The following GABRG3 variants were observed in gnomAD, a reference collection of about 807,000 sequenced individuals.
The protein encoded by GABRG3 is gamma-aminobutyric acid receptor subunit gamma-3.
A neutral mutation model predicts 48.8 loss-of-function variants in GABRG3; 25 were observed. The ratio of observed to expected loss-of-function variants is 0.51; its 90% CI spans 0.37 to 0.72. The LOEUF (loss-of-function observed/expected upper bound fraction) is 0.72. GABRG3 is among the 30% of genes least tolerant of loss of function. The pLI, the probability that GABRG3 is intolerant of heterozygous loss-of-function variation, is 0.00. For missense variants in GABRG3, 394 were observed against 577.9 expected (o/e 0.68, Z 3.26); for synonymous variants, 227 against 217.6 (o/e 1.04, Z -0.38).
chr15:27,455,428 T>C (rs1054492519), intron 5 of GABRG3, among the ~76,000 whole-genome samples: 5 of 151,584 alleles, frequency 3.3e-5, no homozygotes, highest in Admixed American at 6.6e-5. Context: ...CATTTGTGTA[T>C]ATGTGCATGG....
intron 3 of GABRG3, among the ~76,000 whole-genome samples, chr15:27,178,875 A>G (rs1887831048): frequency 6.6e-6 from 1 of 152,274 alleles, no homozygotes; most frequent in Non-Finnish European, 1.5e-5. Context: ...TAATGTCTTT[A>G]TGGGCCAGGT....
intron 5 of GABRG3, among the ~76,000 whole-genome samples, chr15:27,414,368 G>A (rs1334585696): frequency 6.6e-6 from 1 of 151,996 alleles, no homozygotes; most frequent in Non-Finnish European, 1.5e-5. Flanking sequence ...TTATTCTAGT[G>A]AGCCGTGGCT....
In GABRG3 at chr15:27,447,129, T is replaced by C. The variant is rs1179029724; in HGVS notation, c.575-33521T>C. Among the ~76,000 whole-genome samples the C allele has an allele frequency of 6.6e-6, 1 of 152,152 alleles. No individual in the cohort carries two copies. Among genetic ancestry groups the C allele is most frequent in the Non-Finnish European group, 1.5e-5 (1 of 68,032 alleles). On this transcript the variant is annotated intron_variant, in intron 5 of 9. Transcript: ENST00000615808. The surrounding 1 kb of genome is among the most constrained non-coding windows in gnomAD (Gnocchi z 4.0). ...AGCAATCCCAATGTTCATAAAATGTTCCAGCAGCACAGAGGACGGAACAAC... is the reference window on the plus strand; with the variant it reads ...AGCAATCCCAATGTTCATAAAATGTCCCAGCAGCACAGAGGACGGAACAAC...
intron 6 of GABRG3, among the ~76,000 whole-genome samples, chr15:27,517,087 C>G (rs1261536726): frequency 6.6e-6 from 1 of 151,334 alleles, no homozygotes; most frequent in African/African-American, 2.4e-5. Flanking sequence ...GTGCCCACCT[C>G]CATGCATGCG....
At chr15:27,306,883 CATACA>C (rs1391377020) in intron 3 of GABRG3, among the ~76,000 whole-genome samples, 25 of 85,856 alleles carry the variant, frequency 2.9e-4, no homozygotes, top group African/African-American at 1.5e-3. Flanking sequence ...TATATATAAA[CATACA>C]ATATAAACAT....
At chr15:27,201,623 A>G (rs957299523) in intron 3 of GABRG3, among the ~76,000 whole-genome samples, 1 of 152,112 alleles carries the variant, frequency 6.6e-6, no homozygotes, top group African/African-American at 2.4e-5. Flanking sequence ...GCTATTACAC[A>G]GCATCCCTAT....
At chr15:27,133,909 AC>A (rs1479486348) in intron 3 of GABRG3, among the ~76,000 whole-genome samples, 2 of 152,224 alleles carry the variant, frequency 1.3e-5, no homozygotes, top group Non-Finnish European at 2.9e-5. Context: ...AACAGTTCTC[AC>A]AGAGGATTAA....
intron 3 of GABRG3, among the ~76,000 whole-genome samples, chr15:27,233,833 C>T (rs1172312637): frequency 1.3e-5 from 2 of 152,186 alleles, no homozygotes; most frequent in Non-Finnish European, 2.9e-5. Context: ...CATCCTCATT[C>T]AGGTTTTGTA....
intron 2 of GABRG3, 126 bp downstream of exon 2, chr15:26,977,276 C>A: frequency 1.0e-6 from 1 of 958,046 alleles, no homozygotes; most frequent in Non-Finnish European, 1.6e-6. Flanking sequence ...CTGTACTTGT[C>A]ACACAATAGA....
intron 5 of GABRG3, among the ~76,000 whole-genome samples, chr15:27,459,896 A>G (rs1182640329): frequency 6.6e-6 from 1 of 152,074 alleles, no homozygotes; most frequent in Non-Finnish European, 1.5e-5. Flanking sequence ...TTGAACTTGC[A>G]TTTTTTTCAT....
At chr15:27,043,227 GAAC>G (rs965997124) in intron 3 of GABRG3, among the ~76,000 whole-genome samples, 6 of 152,100 alleles carry the variant, frequency 3.9e-5, no homozygotes, top group African/African-American at 1.4e-4. Context: ...CTACAACTCA[GAAC>G]AACACCACAT....
intron 2 of GABRG3, 150 bp downstream of exon 2, chr15:26,977,300 T>A: frequency 1.2e-6 from 1 of 814,640 alleles, no homozygotes; most frequent in East Asian, 2.5e-5. Flanking sequence ...CTTAGTGTGA[T>A]ACCAAACCAG....
At chr15:27,439,586 A>G (rs1888721644) in intron 5 of GABRG3, among the ~76,000 whole-genome samples, 1 of 152,162 alleles carries the variant, frequency 6.6e-6, no homozygotes, top group Admixed American at 6.5e-5. Flanking sequence ...ATTGTGGTCC[A>G]TGATCCTCCC....
chr15:27,125,026 C>T (rs1897794844), intron 3 of GABRG3, among the ~76,000 whole-genome samples: 1 of 152,172 alleles, frequency 6.6e-6, no homozygotes, highest in Non-Finnish European at 1.5e-5. Context: ...AGATGTTCAC[C>T]AGACTTTGGC....
intron 3 of GABRG3, among the ~76,000 whole-genome samples, chr15:27,247,099 G>T (rs1432651852): frequency 6.6e-6 from 1 of 152,064 alleles, no homozygotes; most frequent in African/African-American, 2.4e-5. Context: ...CCACCATGCT[G>T]AGCTAATTTT....
intron 5 of GABRG3, among the ~76,000 whole-genome samples, chr15:27,371,344 G>T (rs528772584): frequency 2.0e-5 from 3 of 152,180 alleles, no homozygotes; most frequent in African/African-American, 7.2e-5. Flanking sequence ...AGTTGTGAAT[G>T]TGTCACTAAT....
chr15:27,394,462 A>T (rs1887238721), intron 5 of GABRG3, among the ~76,000 whole-genome samples: 1 of 152,060 alleles, frequency 6.6e-6, no homozygotes, highest in African/African-American at 2.4e-5. Context: ...TTGTATTTTG[A>T]TCCCTATGGA....
chr15:27,326,668 G>A, intron 3 of GABRG3, 141 bp from the exon 4 acceptor site: 2 of 662,084 alleles, frequency 3.0e-6, no homozygotes, highest in East Asian at 2.6e-5. Flanking sequence ...TGCTTGCCAT[G>A]TTGAACCAGT....
chr15:27,157,847 A>C (rs190454190), intron 3 of GABRG3: 3 of 152,182 alleles, frequency 2.0e-5, no homozygotes, highest in Admixed American at 6.5e-5. Flanking sequence ...CAGCTCCCCA[A>C]ATGTCCTGTT....
Sources: allele counts gnomAD v4.1 joint callset (sites outside exome capture counted in the v4.1 genomes callset), GRCh38; gene constraint gnomAD v4.1.1; non-coding constraint Gnocchi (gnomAD v3.1); transcripts MANE v1.5; gene names NCBI Gene and HGNC (gene_info 2026-07-23, HGNC 2026-07-21).